The following SNTG1 variants were observed in gnomAD, a reference collection of about 807,000 sequenced individuals.
SNTG1 encodes the protein syntrophin gamma 1, also known as gamma-1-syntrophin.
A neutral mutation model predicts 74.7 loss-of-function variants in SNTG1; 39 were observed. That is an observed-to-expected ratio of 0.52 (90% confidence interval 0.40 to 0.68). The LOEUF is 0.68. SNTG1 is among the 30% of genes least tolerant of loss of function. The pLI, the probability that SNTG1 is intolerant of heterozygous loss-of-function variation, is 0.00. For synonymous variants in SNTG1, 254 were observed against 217.1 expected (o/e 1.17, Z -1.49); for missense variants, 685 against 609.5 (o/e 1.12, Z -1.30).
chr8:49,998,624 A>G (rs1247715289), intron 1 of SNTG1, among the ~76,000 whole-genome samples: 2 of 150,112 alleles, frequency 1.3e-5, no homozygotes, highest in South Asian at 2.1e-4. Flanking sequence ...ACACACACAC[A>G]CAGTATCCTA....
intron 8 of SNTG1, among the ~76,000 whole-genome samples, 176 bp from the exon 9 acceptor site, chr8:50,502,602 C>T (rs1289407062): frequency 6.6e-6 from 1 of 152,104 alleles, no homozygotes; most frequent in Non-Finnish European, 1.5e-5. Context: ...AGAGGATGAA[C>T]ATTGATGGCT....
intron 1 of SNTG1, among the ~76,000 whole-genome samples, chr8:49,998,808 T>C (rs1008348225): frequency 1.3e-5 from 2 of 152,148 alleles, no homozygotes; most frequent in Admixed American, 6.6e-5. Flanking sequence ...TAGTTAACTA[T>C]TTTTTGTATA....
At chr8:50,362,485 C>A (rs1215885873) in intron 2 of SNTG1, among the ~76,000 whole-genome samples, 2 of 151,960 alleles carry the variant, frequency 1.3e-5, no homozygotes, top group East Asian at 3.9e-4. Context: ...TCCTCTCATC[C>A]ACTTGTAACA....
chr8:50,150,513 T>G (rs1449998236), intron 1 of SNTG1, among the ~76,000 whole-genome samples: 1 of 152,224 alleles, frequency 6.6e-6, no homozygotes. Context: ...CCTTTCAGTA[T>G]GATATTGGCT....
chr8:50,784,817 C>A (rs889211235), intron 18 of SNTG1, among the ~76,000 whole-genome samples: 14 of 152,074 alleles, frequency 9.2e-5, no homozygotes, highest in African/African-American at 3.4e-4. Context: ...TAAATCAAGC[C>A]TCACTACATT....
At chr8:50,556,394 T>A (rs958390217) in intron 12 of SNTG1, among the ~76,000 whole-genome samples, 11 of 152,142 alleles carry the variant, frequency 7.2e-5, no homozygotes, top group Admixed American at 2.0e-4. Context: ...TTGCTATATT[T>A]TAGGTGAGCA....
At chr8:50,605,815 A>G (rs1027248236) in intron 13 of SNTG1, among the ~76,000 whole-genome samples, 3 of 152,174 alleles carry the variant, frequency 2.0e-5, no homozygotes, top group African/African-American at 7.2e-5. Flanking sequence ...GGAGGCTTTT[A>G]TTCAGCCATC....
At chr8:50,184,538 T>G (rs919491214) in intron 2 of SNTG1, among the ~76,000 whole-genome samples, 3 of 152,190 alleles carry the variant, frequency 2.0e-5, no homozygotes, top group Non-Finnish European at 4.4e-5. Context: ...AAATGTCTGT[T>G]TCCTGCAATC....
chr8:50,164,913 A>T (rs2082559644), intron 1 of SNTG1, among the ~76,000 whole-genome samples: 1 of 152,226 alleles, frequency 6.6e-6, no homozygotes, highest in Non-Finnish European at 1.5e-5. Flanking sequence ...TGGTCAAAGA[A>T]TGAGTCATCC....
chr8:50,303,221 TA>T (rs2130686001), intron 2 of SNTG1, among the ~76,000 whole-genome samples: 1 of 152,262 alleles, frequency 6.6e-6, no homozygotes, highest in South Asian at 2.1e-4. Flanking sequence ...AATTAGATAT[TA>T]ACCTCCTTGA....
In SNTG1 at chr8:50,174,913, C is replaced by A. The variant is rs1460263807; in HGVS notation, c.-28+2278C>A. ...TGTGTGATGTTCCCCTTCCTGTGTC[C>A]ATGTGTTCTCATTGTTCAGTTTCCA... is the stretch of plus-strand genomic sequence containing the variant. On this transcript the variant is annotated intron_variant, in intron 2 of 18. Transcript: ENST00000642720. 3.4e-5 allele frequency among the ~76,000 whole-genome samples: 5 copies of A among 145,304 alleles called. No homozygotes were observed. The Admixed American group carries it at 3.6e-4, about 10-fold the overall frequency.
chr8:50,312,153 T>C (rs2090137637), intron 2 of SNTG1, among the ~76,000 whole-genome samples: 1 of 152,198 alleles, frequency 6.6e-6, no homozygotes. Context: ...TCAGTGTTCC[T>C]ATTTTGAAAA....
At chr8:50,369,238 G>T (rs988888909) in intron 2 of SNTG1, among the ~76,000 whole-genome samples, 3 of 152,140 alleles carry the variant, frequency 2.0e-5, no homozygotes, top group African/African-American at 7.2e-5. Context: ...GACTTTGGGA[G>T]GTATCAAAGT....
At chr8:50,311,184 C>T (rs2090096959) in intron 2 of SNTG1, among the ~76,000 whole-genome samples, 1 of 152,112 alleles carries the variant, frequency 6.6e-6, no homozygotes, top group Non-Finnish European at 1.5e-5. Context: ...GGTTTGTGTT[C>T]CCTCTGTGTG....
At chr8:50,007,653 G>A (rs10957739) in intron 1 of SNTG1, among the ~76,000 whole-genome samples, 97,633 of 151,900 alleles carry the variant, frequency 0.64, 35,483 homozygotes, top group East Asian at 0.84. Context: ...TGAATGATAA[G>A]AGATTCCATA....
intron 18 of SNTG1, among the ~76,000 whole-genome samples, chr8:50,756,104 G>C (rs1413048609): frequency 6.9e-6 from 1 of 144,930 alleles, no homozygotes; most frequent in Non-Finnish European, 1.5e-5. Flanking sequence ...TGGAATTTTT[G>C]TTTTGATATC....
At chr8:50,380,059 G>A (rs781604163) in intron 2 of SNTG1, among the ~76,000 whole-genome samples, 21 of 152,154 alleles carry the variant, frequency 1.4e-4, no homozygotes, top group South Asian at 2.1e-4. Context: ...AAATCACCTC[G>A]GGACGTTTAC....
chr8:49,987,210 T>G (rs982643390), intron 1 of SNTG1, among the ~76,000 whole-genome samples: 2 of 152,106 alleles, frequency 1.3e-5, no homozygotes, highest in Admixed American at 6.6e-5. Flanking sequence ...GAAAACAATA[T>G]ATATAAGAGT....
At chr8:50,427,284 G>A (rs764521132) in intron 4 of SNTG1, among the ~76,000 whole-genome samples, 1 of 151,942 alleles carries the variant, frequency 6.6e-6, no homozygotes, top group Non-Finnish European at 1.5e-5. Flanking sequence ...ATTTTACTAA[G>A]TAAGCTTTGC....
Sources: gnomAD v4.1 joint callset for allele counts (sites outside exome capture counted in the v4.1 genomes callset) on GRCh38, gnomAD v4.1.1 for gene constraint, MANE v1.5 for transcripts, NCBI Gene and HGNC (gene_info 2026-07-23, HGNC 2026-07-21) for gene names.